The following DNAH9 variants were observed in gnomAD, a reference collection of about 807,000 sequenced individuals.
The protein encoded by DNAH9 is DNAH9 variant protein.
Under a neutral mutation model 471.6 loss-of-function variants are expected in DNAH9, and 345 were observed. The observed-to-expected ratio is 0.73, with a 90% confidence interval of 0.67 to 0.80. The LOEUF is 0.80. Ranked by LOEUF, DNAH9 falls within the 30% of genes least tolerant of loss-of-function variation. The probability of loss-of-function intolerance (pLI) is 0.00; values close to 1 mark genes in which losing one functional copy is unlikely to be tolerated. For synonymous variants in DNAH9, 2,093 were observed against 2,123.6 expected, an observed-to-expected ratio of 0.99 and a Z score of 0.40; for missense variants, 5,407 against 5,609.2, an observed-to-expected ratio of 0.96 and a Z score of 1.15.
chr17:11,641,680 A>G (rs2073275592), intron 10 of DNAH9, among the ~76,000 whole-genome samples: 1 of 152,060 alleles, frequency 6.6e-6, no homozygotes, highest in Admixed American at 6.6e-5. Flanking sequence ...ACGCAGCAGA[A>G]GGCAGAAGGG....
At chr17:11,842,256 A>G (rs906784033) in intron 49 of DNAH9, among the ~76,000 whole-genome samples, 31 of 152,240 alleles carry the variant, frequency 2.0e-4, no homozygotes, top group Middle Eastern at 3.2e-3. Context: ...CGTGAAATAC[A>G]AGTAAGTTGA....
intron 38 of DNAH9, among the ~76,000 whole-genome samples, chr17:11,772,567 A>T (rs1319556976): frequency 1.3e-5 from 2 of 152,118 alleles, no homozygotes; most frequent in Admixed American, 1.3e-4. Context: ...GGTTCAAGCG[A>T]TTCTCCTGCC....
rs2073777265 is a variant in DNAH9 at position 11,662,137 on chromosome 17, T to A, written c.2596-2696T>A. ...TTTTGGAAGTTATTTCATTATCACC[T>A]ACCCTCCAATGTTTCTTATAAGAAG... On this transcript the variant is annotated intron_variant, in intron 14 of 68. Coordinates refer to ENST00000262442, the MANE Select transcript of DNAH9 (RefSeq NM_001372.4). 2.0e-5 allele frequency among the ~76,000 whole-genome samples: 3 copies of A among 152,190 alleles called. No individual in the cohort carries two copies. The South Asian group carries it at 6.2e-4, about 31-fold the overall frequency.
At chr17:11,943,408 G>C (rs1405978773) in intron 67 of DNAH9, among the ~76,000 whole-genome samples, 1 of 152,122 alleles carries the variant, frequency 6.6e-6, no homozygotes, top group Non-Finnish European at 1.5e-5. Flanking sequence ...GCCGGGCGCG[G>C]TGGCTCGTGC....
At chr17:11,735,889 G>C (rs1036666780) in intron 28 of DNAH9, among the ~76,000 whole-genome samples, 2 of 152,214 alleles carry the variant, frequency 1.3e-5, no homozygotes, top group African/African-American at 4.8e-5. Flanking sequence ...TCTGGTACAA[G>C]AGCCTTTGGG....
intron 45 of DNAH9, among the ~76,000 whole-genome samples, chr17:11,815,425 A>G (rs995378960): frequency 6.6e-6 from 1 of 151,956 alleles, no homozygotes; most frequent in Non-Finnish European, 1.5e-5. Flanking sequence ...TCCTTAACTT[A>G]TCTCTCTACT....
intron 60 of DNAH9, among the ~76,000 whole-genome samples, chr17:11,903,207 C>T (rs553085120): frequency 6.6e-6 from 1 of 152,278 alleles, no homozygotes; most frequent in African/African-American, 2.4e-5. Flanking sequence ...GGCATGGTGA[C>T]AGGCACCTGT....
At chr17:11,714,033 C>G (rs574486057) in intron 26 of DNAH9, among the ~76,000 whole-genome samples, 1 of 152,102 alleles carries the variant, frequency 6.6e-6, no homozygotes, top group African/African-American at 2.4e-5. Context: ...AATCTCATAA[C>G]CAGTTGGTAT....
intron 61 of DNAH9, among the ~76,000 whole-genome samples, chr17:11,915,478 C>T (rs554607205): frequency 1.3e-5 from 2 of 152,228 alleles, no homozygotes; most frequent in Non-Finnish European, 2.9e-5. Flanking sequence ...GAGCCAAGAT[C>T]GCACCACTGC....
intron 45 of DNAH9, among the ~76,000 whole-genome samples, chr17:11,818,384 A>T (rs1278739776): frequency 2.0e-5 from 3 of 151,848 alleles, no homozygotes; most frequent in Admixed American, 1.3e-4. Context: ...AGCCAAGATC[A>T]TGCCACTGCA....
chr17:11,779,416 CAAG>C (rs1471017197), intron 38 of DNAH9, among the ~76,000 whole-genome samples: 1 of 152,098 alleles, frequency 6.6e-6, no homozygotes, highest in Non-Finnish European at 1.5e-5. Flanking sequence ...ACAGCATGGC[CAAG>C]AAGGGATCAA....
At chr17:11,800,559 G>C (rs528295547) in intron 43 of DNAH9, among the ~76,000 whole-genome samples, 12 of 151,972 alleles carry the variant, frequency 7.9e-5, no homozygotes, top group African/African-American at 2.9e-4. Context: ...TATCCGCAAC[G>C]ACACTCATCC....
intron 26 of DNAH9, 137 bp from the exon 27 acceptor site, chr17:11,719,197 T>C: frequency 1.3e-6 from 1 of 791,700 alleles, no homozygotes; most frequent in East Asian, 2.7e-5. Flanking sequence ...CCCACAGTGC[T>C]GTGGGGAGCG....
intron 17 of DNAH9, among the ~76,000 whole-genome samples, chr17:11,674,881 G>T (rs1429202653): frequency 1.3e-5 from 2 of 152,072 alleles, no homozygotes; most frequent in Non-Finnish European, 2.9e-5. Flanking sequence ...AATTACTGTA[G>T]CTTAGTAACA....
chr17:11,934,960 G>T (rs1974657007), intron 65 of DNAH9, among the ~76,000 whole-genome samples: 1 of 151,970 alleles, frequency 6.6e-6, no homozygotes, highest in Admixed American at 6.6e-5. Context: ...TCTCATGAAG[G>T]CTTTCTTTTC....
At chr17:11,909,116 C>A (rs1973704384) in intron 61 of DNAH9, among the ~76,000 whole-genome samples, 1 of 152,190 alleles carries the variant, frequency 6.6e-6, no homozygotes, top group Non-Finnish European at 1.5e-5. Flanking sequence ...TGGGAACGTT[C>A]CATATCCACC....
chr17:11,830,284 T>C (rs1320796975), intron 48 of DNAH9, among the ~76,000 whole-genome samples: 1 of 152,188 alleles, frequency 6.6e-6, no homozygotes, highest in African/African-American at 2.4e-5. Context: ...GCCACTGTCC[T>C]CCCAGCACCT....
chr17:11,933,767 C>T, intron 64 of DNAH9, 113 bp from the exon 65 acceptor site: 4 of 954,380 alleles, frequency 4.2e-6, no homozygotes, highest in Non-Finnish European at 6.3e-6. Flanking sequence ...TGCTCTCAAT[C>T]TCAAGAAGCG....
intron 67 of DNAH9, among the ~76,000 whole-genome samples, chr17:11,957,530 T>C (rs1975709216): frequency 6.6e-6 from 1 of 151,526 alleles, no homozygotes; most frequent in African/African-American, 2.4e-5. Flanking sequence ...AGTGAGTTTC[T>C]TGGATTTTCT....
Sources: gnomAD v4.1 joint callset for allele counts (sites outside exome capture counted in the v4.1 genomes callset) on GRCh38, gnomAD v4.1.1 for gene constraint, MANE v1.5 for transcripts, NCBI Gene and HGNC (gene_info 2026-07-23, HGNC 2026-07-21) for gene names.